The following PI4K2B variants were observed in gnomAD, a reference collection of about 807,000 sequenced individuals.
PI4K2B encodes phosphatidylinositol 4-kinase type 2 beta.
A neutral mutation model predicts 56.6 loss-of-function variants in PI4K2B; 46 were observed. The ratio of observed to expected loss-of-function variants is 0.81; its 90% confidence interval spans 0.64 to 1.04. The LOEUF (loss-of-function observed/expected upper bound fraction) is 1.04. Among genes scored for constraint, PI4K2B ranks in the 50% least tolerant of loss-of-function variants. The pLI is 0.00. For synonymous variants in PI4K2B, 211 were observed against 223.8 expected (o/e 0.94, Z 0.51); for missense variants, 556 against 607.7 (o/e 0.91, Z 0.89).
At chr4:25,236,162 C>T (rs1349759941) in intron 1 of PI4K2B, among the ~76,000 whole-genome samples, 1 of 151,464 alleles carries the variant, frequency 6.6e-6, no homozygotes, top group Non-Finnish European at 1.5e-5. Flanking sequence ...CTCCACTGCA[C>T]TCCAGCCTGG....
intron 2 of PI4K2B, among the ~76,000 whole-genome samples, chr4:25,252,763 C>T (rs1035524679): frequency 6.6e-6 from 1 of 152,126 alleles, no homozygotes; most frequent in African/African-American, 2.4e-5. Flanking sequence ...TAGTTGCGTG[C>T]CACCACACTG....
rs1716658054 is a variant in PI4K2B at position 25,266,192 on chromosome 4, A to G, written c.1079-2251A>G. ...TTTATGCATGTGTGAATGAATGACAAGGTCCCCCTCTGTCATCTAGGCTGG... is the reference window on the plus strand; with the variant it reads ...TTTATGCATGTGTGAATGAATGACAGGGTCCCCCTCTGTCATCTAGGCTGG... On this transcript the variant is annotated intron_variant, in intron 7 of 9. Transcript: ENST00000264864. Among the ~76,000 whole-genome samples, 3 of 151,730 alleles carry G rather than the reference A, an allele frequency of 2.0e-5. No homozygotes were observed. In the South Asian group the frequency reaches 6.2e-4, roughly 32 times the overall value.
rs1560373583 is a variant in PI4K2B, at chr4:25,255,248, A to G, written c.607A>G (p.Ile203Val). 5 of 1,613,864 alleles carry G rather than the reference A, an allele frequency of 3.1e-6. No homozygotes were observed. The highest frequency in any genetic ancestry group is 3.3e-5 in the Admixed American group (2 of 60,010). The change falls in exon 3 of 10, where the codon ATT (isoleucine) becomes GTT (valine). Residue 203 changes from isoleucine to valine, a missense_variant. Transcript: ENST00000264864. ...YLVDNKLHLS[I>V]VPKTKVVWLV... ...TGTGGACAACAAGCTTCATCTGAGC[A>G]TTGTACCTAAAACAAAGGTAAGCCA...
intron 8 of PI4K2B, 67 bp downstream of exon 8, chr4:25,268,643 G>T: frequency 1.8e-6 from 2 of 1,098,162 alleles, no homozygotes. Flanking sequence ...CTGCTTAATA[G>T]AGCTGATTTG....
chr4:25,238,270 T>C (rs1358347039), intron 1 of PI4K2B, among the ~76,000 whole-genome samples: 3 of 152,258 alleles, frequency 2.0e-5, no homozygotes, highest in Admixed American at 6.5e-5. Context: ...AACTGGTTAT[T>C]TGAACCAAAA....
At chr4:25,245,753 A>G (rs530422027) in intron 1 of PI4K2B, among the ~76,000 whole-genome samples, 1 of 152,310 alleles carries the variant, frequency 6.6e-6, no homozygotes, top group East Asian at 1.9e-4. Context: ...GATAGGTGAC[A>G]GTCTCACTGC....
At chr4:25,266,932 A>G (rs1366082761) in intron 7 of PI4K2B, among the ~76,000 whole-genome samples, 6 of 152,028 alleles carry the variant, frequency 3.9e-5, no homozygotes. Context: ...GCTTAAATAA[A>G]TAGAGAAGAG....
chr4:25,250,702 A>C (rs1158807444), intron 1 of PI4K2B: 4 of 152,178 alleles, frequency 2.6e-5, no homozygotes, highest in Non-Finnish European at 2.9e-5. Context: ...ACAAAGAAAA[A>C]GTATTACTAG....
In PI4K2B at chr4:25,260,635, T is replaced by C. The variant is rs1222030950; in HGVS notation, c.978+44T>C. 9.4e-3 allele frequency: 552 copies of C among 58,622 alleles called. 3 individuals carry two copies. Among genetic ancestry groups the C allele is most frequent in the Middle Eastern group, 0.021 (4 of 190 alleles). 3.6% of individuals were successfully genotyped at this position (58,622 alleles called of 1,614,324 possible). On this transcript the variant is annotated intron_variant, in intron 6 of 9. Transcript: ENST00000264864. ...TTATATATATATATATATATATATATATATATACACACACACACACACACA... is the reference window on the plus strand; with the variant it reads ...TTATATATATATATATATATATATACATATATACACACACACACACACACA...
chr4:25,263,598 T>G, intron 6 of PI4K2B, 152 bp from the exon 7 acceptor site: 1 of 434,092 alleles, frequency 2.3e-6, no homozygotes, highest in Non-Finnish European at 4.1e-6. Flanking sequence ...CTTCCATTCC[T>G]GTGTGAATTT....
chr4:25,269,056 T>C (rs1577697522), intron 8 of PI4K2B, 88 bp from the exon 9 acceptor site: 1 of 695,118 alleles, frequency 1.4e-6, no homozygotes, highest in Non-Finnish European at 2.5e-6. Context: ...TTAATGGCCT[T>C]ATTTGCTGAG....
intron 1 of PI4K2B, among the ~76,000 whole-genome samples, chr4:25,239,643 C>T (rs796365295): frequency 1.6e-4 from 24 of 152,364 alleles, no homozygotes; most frequent in African/African-American, 5.5e-4. Context: ...GCTGAGGGAG[C>T]TGGCTCTGGC....
intron 1 of PI4K2B, among the ~76,000 whole-genome samples, chr4:25,248,662 A>G (rs1250417593): frequency 6.6e-6 from 1 of 151,980 alleles, no homozygotes; most frequent in African/African-American, 2.4e-5. Context: ...AAGTTCAATA[A>G]TATAAAAGCT....
chr4:25,244,869 C>A lies in PI4K2B; in HGVS notation c.269-7452C>A, dbSNP rs75097707. 0.014 allele frequency among the ~76,000 whole-genome samples: 2,179 copies of A among 152,256 alleles called. 126 individuals are homozygous for A. In the East Asian group the frequency reaches 0.18, roughly 13 times the overall value. On this transcript the variant is annotated intron_variant, in intron 1 of 9. Transcript: ENST00000264864. The stretch of plus-strand genomic sequence containing the variant: ...AGTTGTGCTTAGTGACCCTTACCGA[C>A]CCTTACCGACGCATTCTCAAAAACC...
chr4:25,270,006 G>A lies in PI4K2B; in HGVS notation c.1272+803G>A, dbSNP rs137921797. ...GCTGGCATCACAGGCGTGAGCCACCGCGCCCAGCCTAACTTAGGTATTTTT... is the reference window on the plus strand; with the variant it reads ...GCTGGCATCACAGGCGTGAGCCACCACGCCCAGCCTAACTTAGGTATTTTT... On this transcript the variant is annotated intron_variant, in intron 9 of 9. Transcript: ENST00000264864. 7.9e-3 allele frequency among the ~76,000 whole-genome samples: 1,199 copies of A among 152,174 alleles called. 12 individuals are homozygous for A. The highest frequency in any genetic ancestry group is 0.027 in the African/African-American group (1,124 of 41,530).
chr4:25,235,251 G>A (rs1350223554), intron 1 of PI4K2B, among the ~76,000 whole-genome samples: 1 of 152,180 alleles, frequency 6.6e-6, no homozygotes, highest in Non-Finnish European at 1.5e-5. Context: ...AAAGGCGATG[G>A]TACACCTCCC....
chr4:25,261,676 G>T (rs1368787192), intron 6 of PI4K2B, among the ~76,000 whole-genome samples: 1 of 152,124 alleles, frequency 6.6e-6, no homozygotes, highest in Non-Finnish European at 1.5e-5. Flanking sequence ...CAATAGCGTG[G>T]ATGAAACTTA....
At chr4:25,242,026 G>A (rs982803463) in intron 1 of PI4K2B, among the ~76,000 whole-genome samples, 1 of 152,202 alleles carries the variant, frequency 6.6e-6, no homozygotes, top group African/African-American at 2.4e-5. Flanking sequence ...GCAAAAGCCG[G>A]TAATTCCAAG....
At chr4:25,276,977 C>A in intron 9 of PI4K2B, 37 bp from the exon 10 acceptor site, 3 of 1,470,032 alleles carry the variant, frequency 2.0e-6, no homozygotes, top group South Asian at 1.5e-5. Context: ...AGCTTTTTAT[C>A]TTTTTAAATT....
Sources: allele counts gnomAD v4.1 joint callset (sites outside exome capture counted in the v4.1 genomes callset), GRCh38; gene constraint gnomAD v4.1.1; transcripts MANE v1.5; gene names NCBI Gene and HGNC (gene_info 2026-07-23, HGNC 2026-07-21).